The following SLC4A1AP variants were observed in gnomAD, a reference collection of about 807,000 sequenced individuals.
The protein encoded by SLC4A1AP is kanadaptin.
In SLC4A1AP, 64 loss-of-function variants were observed where a neutral mutation model predicts 89.7. That is an observed-to-expected ratio of 0.71 (90% CI 0.58 to 0.88). The LOEUF (loss-of-function observed/expected upper bound fraction) is 0.88. Ranked by LOEUF, SLC4A1AP falls within the 40% of genes least tolerant of loss-of-function variation. The probability of loss-of-function intolerance (pLI) is 0.00; values close to 1 mark genes in which losing one functional copy is unlikely to be tolerated. For missense variants in SLC4A1AP, 931 were observed against 965.0 expected (o/e 0.96, Z 0.47); for synonymous variants, 366 against 353.3 (o/e 1.04, Z -0.40).
chr2:27,680,659 C>A (rs994409602), intron 8 of SLC4A1AP, among the ~76,000 whole-genome samples: 1 of 151,702 alleles, frequency 6.6e-6, no homozygotes, highest in Non-Finnish European at 1.5e-5. Flanking sequence ...TATGGTGGTG[C>A]TTGTCTGTAA....
chr2:27,685,252 A>C, exon 10 of SLC4A1AP: 1 of 1,611,548 alleles, frequency 6.2e-7, no homozygotes. Flanking sequence ...CAGATCTCAC[A>C]CATTTTAAAG....
chr2:27,666,146 G>A (rs1675314866), intron 2 of SLC4A1AP, among the ~76,000 whole-genome samples: 1 of 152,148 alleles, frequency 6.6e-6, no homozygotes, highest in South Asian at 2.1e-4. Context: ...TTGATGACAT[G>A]TTGAAATGAC....
chr2:27,684,428 A>G (rs947436639), intron 9 of SLC4A1AP, among the ~76,000 whole-genome samples: 8 of 128,824 alleles, frequency 6.2e-5, no homozygotes, highest in Admixed American at 4.4e-4. Flanking sequence ...ACTCTGTCTC[A>G]AAAAAAAAAA....
At chr2:27,675,747 C>T in intron 6 of SLC4A1AP, 55 bp downstream of exon 6, 1 of 1,156,480 alleles carries the variant, frequency 8.6e-7, no homozygotes, top group Non-Finnish European at 1.2e-6. Context: ...TTTTTAATAA[C>T]ATAATGTATT....
chr2:27,680,073 G>C (rs867843113), intron 8 of SLC4A1AP, among the ~76,000 whole-genome samples: 1 of 152,102 alleles, frequency 6.6e-6, no homozygotes, highest in African/African-American at 2.4e-5. Context: ...GGGTGGGAGG[G>C]GCTCACAGCA....
intron 2 of SLC4A1AP, among the ~76,000 whole-genome samples, chr2:27,666,605 C>T (rs959957840): frequency 4.6e-5 from 7 of 151,704 alleles, no homozygotes; most frequent in South Asian, 4.2e-4. Flanking sequence ...ATATTGGGAA[C>T]GAAAGTTAGA....
intron 5 of SLC4A1AP, among the ~76,000 whole-genome samples, chr2:27,674,873 A>G (rs975445892): frequency 2.6e-5 from 4 of 151,846 alleles, no homozygotes; most frequent in Admixed American, 6.6e-5. Flanking sequence ...CACTATGCCC[A>G]TCTAATTTTT....
At chr2:27,694,718 C>G in exon 14 of SLC4A1AP, 1 of 1,405,574 alleles carries the variant, frequency 7.1e-7, no homozygotes. Flanking sequence ...CCTTGTGGAC[C>G]ATGTGACATG....
intron 6 of SLC4A1AP, 41 bp from the exon 7 acceptor site, chr2:27,677,254 A>G: frequency 3.1e-6 from 4 of 1,310,698 alleles, no homozygotes; most frequent in Non-Finnish European, 4.4e-6. Flanking sequence ...ACAGTTTGAA[A>G]GAAGAAAAAC....
At chr2:27,667,338 C>G in exon 3 of SLC4A1AP, 1 of 1,613,534 alleles carries the variant, frequency 6.2e-7, no homozygotes, top group Non-Finnish European at 8.5e-7. Context: ...AAAGGGAGGC[C>G]TTTTATATAA....
intron 5 of SLC4A1AP, among the ~76,000 whole-genome samples, chr2:27,673,244 G>A (rs1675454717): frequency 6.6e-6 from 1 of 151,954 alleles, no homozygotes; most frequent in Admixed American, 6.6e-5. Flanking sequence ...TGCTAAGTTA[G>A]TTTCTACTCA....
chr2:27,666,373 C>G (rs1558504901), intron 2 of SLC4A1AP, among the ~76,000 whole-genome samples: 1 of 26,644 alleles, frequency 3.8e-5, no homozygotes, highest in African/African-American at 1.3e-4. Flanking sequence ...CCCCCCCCCA[C>G]CCCGCCCCCC....
chr2:27,666,658 A>T (rs992961022), intron 2 of SLC4A1AP, among the ~76,000 whole-genome samples: 3 of 151,598 alleles, frequency 2.0e-5, no homozygotes, highest in African/African-American at 4.8e-5. Flanking sequence ...AGGAGCTCAA[A>T]TTTTTTTTCC....
rs2148131533 is a variant in SLC4A1AP, at chr2:27,668,909, C to T, written c.1205+6C>T. ...ACTTGGCTCTGCAGGGTGAGGTATG[C>T]TCTTTTCTTATTAATGTTCTTTTCT... On this transcript the variant is annotated splice_donor_region_variant and intron_variant, in intron 4 of 13. Transcript: ENST00000613058. 1 of 1,613,044 alleles carries T rather than the reference C, an allele frequency of 6.2e-7. No individual in the cohort carries two copies. The highest frequency in any genetic ancestry group is 8.5e-7 in the Non-Finnish European group (1 of 1,179,256).
At position 27,684,288 on chromosome 2, in the gene SLC4A1AP, C is replaced by T. The variant is rs544235429; in HGVS notation, c.1876-749C>T. ...TAAAAATACAAAAATTAGCTGAGCA[C>T]GGTGGCCTGCGCACCTATAACCCCA... On this transcript the variant is annotated intron_variant, in intron 9 of 13. Transcript: ENST00000613058. Among the ~76,000 whole-genome samples the T allele has an allele frequency of 1.4e-4, 21 of 151,976 alleles. 1 individual carries two copies. In the South Asian group the frequency reaches 3.7e-3, roughly 27 times the overall value.
chr2:27,665,390 C>G (rs1389994308), intron 2 of SLC4A1AP, 95 bp downstream of exon 2: 2 of 1,083,932 alleles, frequency 1.8e-6, no homozygotes, highest in African/African-American at 3.3e-5. Context: ...CTTTTCATGG[C>G]TCCTTGAGAT....
At chr2:27,687,864 T>C in intron 10 of SLC4A1AP, 70 bp from the exon 11 acceptor site, 3 of 1,170,922 alleles carry the variant, frequency 2.6e-6, no homozygotes, top group African/African-American at 1.5e-5. Context: ...CTCTTGTTTT[T>C]GTTTTTGTTT....
In SLC4A1AP at chr2:27,667,147, G is replaced by T. The variant is rs1045865248; in HGVS notation, c.1022-121G>T. The T allele has an allele frequency of 3.8e-6, 4 of 1,053,948 alleles. No individual in the cohort carries two copies. In the African/African-American group the frequency reaches 6.5e-5, roughly 17 times the overall value. The allele number at this position is 1,053,948 out of a possible 1,614,324, so 65.3% of individuals were successfully genotyped here. Reference sequence around the variant, plus strand: ...GCCTCCCAAAGTGCTGGGATTACAGGCATGAGCCACTGCGCCCAGCCTAAA... The same window carrying T: ...GCCTCCCAAAGTGCTGGGATTACAGTCATGAGCCACTGCGCCCAGCCTAAA... On this transcript the variant is annotated intron_variant, in intron 2 of 13. Coordinates refer to ENST00000613058, the Ensembl canonical transcript of SLC4A1AP.
chr2:27,665,144 A>T, exon 2 of SLC4A1AP: 1 of 1,613,838 alleles, frequency 6.2e-7, no homozygotes, highest in Non-Finnish European at 8.5e-7. Flanking sequence ...TAACAGTAAC[A>T]CAGTTGAAGG....
Sources: allele counts gnomAD v4.1 joint callset (sites outside exome capture counted in the v4.1 genomes callset), GRCh38; gene constraint gnomAD v4.1.1; transcripts MANE v1.5; gene names NCBI Gene and HGNC (gene_info 2026-07-23, HGNC 2026-07-21).